The following SNTG1 variants were observed in gnomAD, a reference collection of about 807,000 sequenced individuals.
The protein encoded by SNTG1 is gamma-1-syntrophin.
In SNTG1, 39 loss-of-function variants were observed where a neutral mutation model predicts 74.7. The ratio of observed to expected loss-of-function variants is 0.52; its 90% CI spans 0.40 to 0.68. SNTG1 has a LOEUF of 0.68. Ranked by LOEUF, SNTG1 falls within the 30% of genes least tolerant of loss-of-function variation. The probability of loss-of-function intolerance (pLI) is 0.00; values close to 1 mark genes in which losing one functional copy is unlikely to be tolerated. For synonymous variants in SNTG1, 254 were observed against 217.1 expected (o/e 1.17, Z -1.49); for missense variants, 685 against 609.5 (o/e 1.12, Z -1.30).
At chr8:49,967,230 C>T (rs1811223419) in intron 1 of SNTG1, among the ~76,000 whole-genome samples, 1 of 152,094 alleles carries the variant, frequency 6.6e-6, no homozygotes, top group African/African-American at 2.4e-5. Flanking sequence ...TGTTTAATGG[C>T]AAGAAAAAGG....
At chr8:50,447,017 G>T (rs1001476225) in intron 5 of SNTG1, among the ~76,000 whole-genome samples, 5 of 152,104 alleles carry the variant, frequency 3.3e-5, no homozygotes, top group Non-Finnish European at 7.4e-5. Flanking sequence ...TGTAATAAAA[G>T]TTATGTGAAT....
chr8:50,311,258 T>C (rs1265363403), intron 2 of SNTG1, among the ~76,000 whole-genome samples: 2 of 152,228 alleles, frequency 1.3e-5, no homozygotes, highest in Non-Finnish European at 2.9e-5. Context: ...GCCTGAATAA[T>C]TGGATACCTC....
At chr8:50,173,449 T>A (rs2082881007) in intron 2 of SNTG1, among the ~76,000 whole-genome samples, 1 of 152,204 alleles carries the variant, frequency 6.6e-6, no homozygotes, top group South Asian at 2.1e-4. Context: ...ATGTTGGGTT[T>A]CAATGAGTGC....
At chr8:49,914,380 T>A (rs1805843271) in intron 1 of SNTG1, among the ~76,000 whole-genome samples, 1 of 151,808 alleles carries the variant, frequency 6.6e-6, no homozygotes, top group Admixed American at 6.6e-5. Context: ...AAAAAAAGTT[T>A]TATTGGATAA....
intron 5 of SNTG1, 96 bp downstream of exon 5, chr8:50,438,695 A>G (rs2093329966): frequency 1.9e-6 from 2 of 1,033,434 alleles, no homozygotes; most frequent in Admixed American, 2.0e-5. Flanking sequence ...TTAGACAAGG[A>G]TGGCTATAGC....
At chr8:50,148,699 C>A (rs1366836568) in intron 1 of SNTG1, among the ~76,000 whole-genome samples, 1 of 152,152 alleles carries the variant, frequency 6.6e-6, no homozygotes, top group East Asian at 1.9e-4. Context: ...TGGTTTGCAG[C>A]TTCATCCATG....
chr8:50,017,579 G>T (rs534584806), intron 1 of SNTG1, among the ~76,000 whole-genome samples: 1 of 151,944 alleles, frequency 6.6e-6, no homozygotes, highest in Non-Finnish European at 1.5e-5. Context: ...AAATGGAAAA[G>T]ATATACAAGG....
intron 2 of SNTG1, among the ~76,000 whole-genome samples, chr8:50,326,005 A>C (rs768790944): frequency 4.6e-5 from 7 of 152,012 alleles, no homozygotes; most frequent in African/African-American, 7.2e-5. Context: ...ATTTTTTATT[A>C]GCTTGTGAAT....
chr8:50,347,667 G>T (rs968187894), intron 2 of SNTG1, among the ~76,000 whole-genome samples: 1 of 152,160 alleles, frequency 6.6e-6, no homozygotes, highest in Non-Finnish European at 1.5e-5. Context: ...CACCATTCTA[G>T]ATGCCATTAA....
chr8:50,725,671 G>C (rs925223243), intron 17 of SNTG1, among the ~76,000 whole-genome samples: 1 of 152,110 alleles, frequency 6.6e-6, no homozygotes, highest in Non-Finnish European at 1.5e-5. Context: ...GCAGCAAGCA[G>C]GCTGTTACAC....
intron 2 of SNTG1, among the ~76,000 whole-genome samples, chr8:50,294,551 C>A (rs920717043): frequency 1.3e-5 from 2 of 152,086 alleles, no homozygotes; most frequent in African/African-American, 4.8e-5. Flanking sequence ...TGCATGCTGG[C>A]AGAATTCCTA....
chr8:49,973,518 A>G (rs888119501), intron 1 of SNTG1, among the ~76,000 whole-genome samples: 4 of 145,644 alleles, frequency 2.7e-5, no homozygotes, highest in Admixed American at 6.8e-5. Flanking sequence ...CATAATAATA[A>G]AAAAAAAAAA....
intron 1 of SNTG1, among the ~76,000 whole-genome samples, chr8:50,046,968 T>C (rs193127427): frequency 3.9e-4 from 60 of 152,346 alleles, no homozygotes; most frequent in Admixed American, 9.2e-4. Context: ...ATGTCATTTA[T>C]GTTATTAAGT....
intron 15 of SNTG1, among the ~76,000 whole-genome samples, chr8:50,672,050 G>A (rs1183140053): frequency 2.6e-5 from 3 of 116,408 alleles, no homozygotes; most frequent in African/African-American, 9.9e-5. Context: ...GTTGTGGGGT[G>A]GGGGGAGGGG....
At chr8:49,925,913 T>C (rs572205426) in intron 1 of SNTG1, among the ~76,000 whole-genome samples, 1 of 152,312 alleles carries the variant, frequency 6.6e-6, no homozygotes, top group African/African-American at 2.4e-5. Flanking sequence ...GTAATTGTTA[T>C]TCAGTAATAG....
chr8:49,912,444 G>C (rs1255952320), intron 1 of SNTG1, among the ~76,000 whole-genome samples: 5 of 152,060 alleles, frequency 3.3e-5, no homozygotes, highest in African/African-American at 1.2e-4. Flanking sequence ...CTTTTAGCTG[G>C]CCATTTTTCT....
At chr8:49,916,741 C>T (rs1001216510) in intron 1 of SNTG1, among the ~76,000 whole-genome samples, 3 of 151,994 alleles carry the variant, frequency 2.0e-5, no homozygotes, top group Non-Finnish European at 2.9e-5. Context: ...TACAGTGGCT[C>T]ATGCCTATAA....
intron 2 of SNTG1, among the ~76,000 whole-genome samples, chr8:50,184,775 C>A (rs2083322779): frequency 6.6e-6 from 1 of 151,700 alleles, no homozygotes; most frequent in Non-Finnish European, 1.5e-5. Flanking sequence ...TATTAGTGCC[C>A]CAAATGTAAA....
chr8:50,485,435 G>C (rs767151059), intron 8 of SNTG1, among the ~76,000 whole-genome samples: 1 of 151,820 alleles, frequency 6.6e-6, no homozygotes, highest in Non-Finnish European at 1.5e-5. Flanking sequence ...GTAAATATTT[G>C]TCTTCCCACC....
Sources: gnomAD v4.1 joint callset for allele counts (sites outside exome capture counted in the v4.1 genomes callset) on GRCh38, gnomAD v4.1.1 for gene constraint, MANE v1.5 for transcripts, NCBI Gene and HGNC (gene_info 2026-07-23, HGNC 2026-07-21) for gene names.